Variants in ING5 observed in about 807,000 individuals in gnomAD.
ING5 encodes the protein inhibitor of growth family member 5, also known as inhibitor of growth protein 5.
ING5 carries 17 observed loss-of-function variants against 37.4 expected under a neutral mutation model. The observed-to-expected ratio is 0.45, with a 90% CI of 0.31 to 0.68. ING5 has a LOEUF of 0.68. Among genes scored for constraint, ING5 ranks in the 30% least tolerant of loss-of-function variants. The pLI is 0.05. For missense variants in ING5, 233 were observed against 311.9 expected (o/e 0.75, Z 1.91); for synonymous variants, 123 against 116.6 (o/e 1.06, Z -0.36).
intron 5 of ING5, chr2:241,720,446 A>G: frequency 9.4e-7 from 1 of 1,060,282 alleles, no homozygotes; most frequent in African/African-American, 1.7e-5. Flanking sequence ...GTGTTCCTAG[A>G]CTGCACAGAT....
chr2:241,714,139 G>T (rs2070197387), intron 5 of ING5, among the ~76,000 whole-genome samples: 1 of 152,124 alleles, frequency 6.6e-6, no homozygotes, highest in African/African-American at 2.4e-5. Flanking sequence ...CTGCTGGAAG[G>T]CCTTCCATAT....
rs1468480009 is a variant in ING5, at chr2:241,725,128, A to T, written c.*97A>T. ...CTTTTAAAACTACCTTGTTCGGTTG[A>T]TACTTAGTAACTCCGTGGCCAGTTG... is the stretch of plus-strand genomic sequence containing the variant. On this transcript the variant is annotated 3_prime_UTR_variant, in exon 8 of 8. Coordinates refer to ENST00000313552, the MANE Select transcript of ING5 (RefSeq NM_032329.6). 4 of 1,287,762 alleles carry T rather than the reference A, an allele frequency of 3.1e-6. No individual in the cohort carries two copies. The highest frequency in any genetic ancestry group is 4.5e-6 in the Non-Finnish European group (4 of 888,538). 79.8% of individuals were successfully genotyped at this position (1,287,762 alleles called of 1,614,324 possible). A position where few individuals can be genotyped will look rare whatever the true frequency, so the allele number is the denominator to read the frequency against.
chr2:241,698,505 G>A (rs1339947207), upstream of ING5, among the ~76,000 whole-genome samples: 1 of 52,212 alleles, frequency 1.9e-5, no homozygotes, highest in Non-Finnish European at 5.0e-5. Flanking sequence ...GAGTGTGTGT[G>A]TGTGTGTGTG....
Position 241,719,872 on chromosome 2 carries a change from G to C in ING5, c.483-3067G>C, listed in dbSNP as rs920037683. On this transcript the variant is annotated intron_variant, in intron 5 of 7. Coordinates refer to ENST00000313552, the MANE Select transcript of ING5 (RefSeq NM_032329.6). ...AGCGCTGCCTGCCGTGCAGGTCCCA[G>C]TAGTGACAGATGAGAAGGGTGATCA... 4 of 1,373,828 alleles carry C rather than the reference G, an allele frequency of 2.9e-6. No homozygotes were observed. In the African/African-American group the frequency reaches 5.8e-5, roughly 20 times the overall value. The allele number at this position is 1,373,828 out of a possible 1,614,324, so 85.1% of individuals were successfully genotyped here.
Position 241,709,438 on chromosome 2 carries a change from T to C in ING5, c.276+56T>C, listed in dbSNP as rs1390116054. 5.2e-5 allele frequency: 78 copies of C among 1,511,064 alleles called. 1 individual carries two copies. Among genetic ancestry groups the C allele is most frequent in the Admixed American group, 6.4e-5 (3 of 46,968 alleles). 93.6% of individuals were successfully genotyped at this position (1,511,064 alleles called of 1,614,324 possible). ...CTCTGACCTCTACTCCTGCCTCTCA[T>C]GCAACAAAATGTAAAAACTGCCCGG... On this transcript the variant is annotated intron_variant, in intron 3 of 7. Transcript: ENST00000313552.
intron 2 of ING5, among the ~76,000 whole-genome samples, chr2:241,696,306 G>A (rs1457022869): frequency 6.6e-6 from 1 of 152,092 alleles, no homozygotes; most frequent in Non-Finnish European, 1.5e-5. Flanking sequence ...CCGGAGAATC[G>A]CTTGAACCTG....
Position 241,717,008 on chromosome 2 carries a change from A to C in ING5, c.482+4937A>C, listed in dbSNP as rs551243818. Among the ~76,000 whole-genome samples, 12 of 151,852 alleles carry C rather than the reference A, an allele frequency of 7.9e-5. No individual in the cohort carries two copies. In the South Asian group the frequency reaches 2.3e-3, roughly 29 times the overall value. ...AGTCTCAAAAAAATGTGTAGATTTT[A>C]AGTGTTCTCACCACAAAAGTCACCC... On this transcript the variant is annotated intron_variant, in intron 5 of 7. Coordinates refer to ENST00000313552, the MANE Select transcript of ING5 (RefSeq NM_032329.6).
At position 241,702,045 on chromosome 2, in the gene ING5, C is replaced by A. The variant is rs1169123848; in HGVS notation, c.-21C>A. 5.8e-6 allele frequency: 8 copies of A among 1,381,396 alleles called. No individual in the cohort carries two copies. The highest frequency in any genetic ancestry group is 6.6e-6 in the Non-Finnish European group (7 of 1,062,940). The allele number at this position is 1,381,396 out of a possible 1,614,324, so 85.6% of individuals were successfully genotyped here. On this transcript the variant is annotated 5_prime_UTR_variant, in exon 1 of 8. Transcript: ENST00000313552. ...CGGCACCGCCCGCCCGCGCAGACCC[C>A]GAGCGCGGCCGCGGACGAAGATGGC...
chr2:241,697,767 A>G (rs2069651945), upstream of ING5, among the ~76,000 whole-genome samples: 1 of 152,160 alleles, frequency 6.6e-6, no homozygotes, highest in Non-Finnish European at 1.5e-5. Flanking sequence ...AGCTGACATT[A>G]TACATTTGTC....
At chr2:241,721,811 C>T in intron 5 of ING5, 2 of 985,470 alleles carry the variant, frequency 2.0e-6, no homozygotes, top group Non-Finnish European at 2.4e-6. Context: ...CCCCTAAGTG[C>T]ATCCCTTTCA....
exon 1 of ING5, chr2:241,687,520 TGTG>T (rs2069458607): frequency 1.1e-5 from 4 of 368,506 alleles, no homozygotes; most frequent in Non-Finnish European, 1.9e-5. Context: ...AGTCCGTGTG[TGTG>T]TTTTTGTTGT....
rs896408767 is a variant in ING5 at position 241,702,160 on chromosome 2, GC to G, written c.37+64del. On this transcript the variant is annotated intron_variant, in intron 1 of 7. Transcript: ENST00000313552. The stretch of plus-strand genomic sequence containing the variant: ...CCCACGCGGAGTCCTCCGTGCCGCA[GC>G]CCCCCGCGCGCCGGGCACCGCATGC... The G allele has an allele frequency of 1.2e-4, 135 of 1,083,152 alleles. 2 individuals are homozygous for G. The African/African-American group carries it at 2.0e-3, about 16-fold the overall frequency. The allele number at this position is 1,083,152 out of a possible 1,614,324, so 67.1% of individuals were successfully genotyped here.
chr2:241,711,270 T>A (rs2124913174), intron 3 of ING5, 107 bp from the exon 4 acceptor site: 1 of 677,526 alleles, frequency 1.5e-6, no homozygotes, highest in Non-Finnish European at 2.3e-6. Flanking sequence ...CATTGGAGAC[T>A]CAATTAAAGG....
intron 2 of ING5, among the ~76,000 whole-genome samples, chr2:241,706,279 C>G (rs1277962520): frequency 6.6e-6 from 1 of 152,094 alleles, no homozygotes; most frequent in African/African-American, 2.4e-5. Flanking sequence ...CCCTTGCTCT[C>G]CTGTTTTGAT....
In ING5 at chr2:241,702,041, AC is replaced by A; in HGVS notation, c.-21del. 7.3e-7 allele frequency: 1 copy of A among 1,366,720 alleles called. No homozygotes were observed. The highest frequency in any genetic ancestry group is 9.5e-7 in the Non-Finnish European group (1 of 1,056,120). 84.7% of individuals were successfully genotyped at this position (1,366,720 alleles called of 1,614,324 possible). A position where few individuals can be genotyped will look rare whatever the true frequency, so the allele number is the denominator to read the frequency against. On this transcript the variant is annotated 5_prime_UTR_variant, in exon 1 of 8. Transcript: ENST00000313552. The stretch of plus-strand genomic sequence containing the variant: ...CCCGCGGCACCGCCCGCCCGCGCAG[AC>A]CCCGAGCGCGGCCGCGGACGAAGAT...
At chr2:241,703,821 G>A (rs745412215) in intron 1 of ING5, among the ~76,000 whole-genome samples, 1 of 152,126 alleles carries the variant, frequency 6.6e-6, no homozygotes, top group African/African-American at 2.4e-5. Flanking sequence ...GGCCAGGCTG[G>A]TCTTGAACTC....
At chr2:241,692,987 GC>G (rs1346563332) in intron 2 of ING5, among the ~76,000 whole-genome samples, 3 of 152,142 alleles carry the variant, frequency 2.0e-5, no homozygotes, top group Non-Finnish European at 4.4e-5. Context: ...TTGGCCAGGT[GC>G]GTTGGCTCAC....
chr2:241,702,494 G>A (rs1372094948), intron 1 of ING5, among the ~76,000 whole-genome samples: 1 of 152,098 alleles, frequency 6.6e-6, no homozygotes, highest in Non-Finnish European at 1.5e-5. Context: ...TCTGCAGGAG[G>A]AGCTGGCGCC....
intron 5 of ING5, chr2:241,722,530 A>G (rs1486723955): frequency 1.0e-5 from 10 of 985,078 alleles, no homozygotes; most frequent in Admixed American, 6.2e-5. Context: ...CTGTTCCTGG[A>G]TTTTTGTGGG....
Sources: allele counts gnomAD v4.1 joint callset (sites outside exome capture counted in the v4.1 genomes callset), GRCh38; gene constraint gnomAD v4.1.1; transcripts MANE v1.5; gene names NCBI Gene and HGNC (gene_info 2026-07-23, HGNC 2026-07-21).